The following SNX9 variants were observed in gnomAD, a reference collection of about 807,000 sequenced individuals.
The protein encoded by SNX9 is sorting nexin 9.
Under a neutral mutation model 89.4 loss-of-function variants are expected in SNX9, and 44 were observed. That is an observed-to-expected ratio of 0.49 (90% CI 0.39 to 0.63). The LOEUF (loss-of-function observed/expected upper bound fraction) is 0.63. Ranked by LOEUF, SNX9 falls within the 30% of genes least tolerant of loss-of-function variation. The pLI, the probability that SNX9 is intolerant of heterozygous loss-of-function variation, is 0.00. For synonymous variants in SNX9, 236 were observed against 247.8 expected (o/e 0.95, Z 0.45); for missense variants, 578 against 736.1 (o/e 0.79, Z 2.49).
chr6:157,875,133 G>A lies in SNX9; in HGVS notation c.257G>A (p.Ser86Asn). Residue 86 changes from serine (S) to asparagine (N), a missense_variant, in exon 4 of 18, where the codon AGC (serine) becomes AAC (asparagine). By Grantham distance (46) the Ser-to-Asn change is conservative (BLOSUM62 1). Transcript: ENST00000392185. ...DQAFLDSLSA[S>N]TAQASSSAAS... ...GCCTTCCTTGATTCTCTCTCAGCCA[G>A]CACAGCTCAGGCCAGTTCGTCGGCT... 1 of 1,613,998 alleles carries A rather than the reference G, an allele frequency of 6.2e-7. No individual in the cohort carries two copies. The highest frequency in any genetic ancestry group is 8.5e-7 in the Non-Finnish European group (1 of 1,179,928).
In SNX9 at chr6:157,892,530, T is replaced by C. The variant is rs545884835; in HGVS notation, c.301-4297T>C. On this transcript the variant is annotated intron_variant, in intron 4 of 17. Transcript: ENST00000392185. ...AACAAACATAACCACAAAGATTTCA[T>C]AACTTAGGTGGAGAGCTAAGATCAC... Among the ~76,000 whole-genome samples, 39 of 151,688 alleles carry C rather than the reference T, an allele frequency of 2.6e-4. 1 individual carries two copies. The South Asian group carries it at 6.7e-3, about 26-fold the overall frequency.
At chr6:157,918,950 T>C (rs1783528089) in intron 9 of SNX9, among the ~76,000 whole-genome samples, 1 of 152,128 alleles carries the variant, frequency 6.6e-6, no homozygotes, top group African/African-American at 2.4e-5. Flanking sequence ...TTGTGGTAAT[T>C]ACTGCTTTCT....
At chr6:157,853,727 T>C (rs533128424) in intron 1 of SNX9, among the ~76,000 whole-genome samples, 6 of 151,980 alleles carry the variant, frequency 3.9e-5, no homozygotes, top group Non-Finnish European at 8.8e-5. Context: ...GAACCTTTGG[T>C]GGACTGGAAA....
intron 7 of SNX9, among the ~76,000 whole-genome samples, chr6:157,906,913 A>G (rs979362876): frequency 6.6e-6 from 1 of 152,186 alleles, no homozygotes; most frequent in Non-Finnish European, 1.5e-5. Flanking sequence ...GGGAACCTGA[A>G]GCCTTGAGTG....
chr6:157,897,095 C>A, intron 5 of SNX9, 97 bp downstream of exon 5: 2 of 1,199,834 alleles, frequency 1.7e-6, no homozygotes, highest in Non-Finnish European at 2.3e-6. Flanking sequence ...ACACTCAGCA[C>A]AACACAGAAC....
intron 3 of SNX9, among the ~76,000 whole-genome samples, chr6:157,873,604 A>T (rs919508439): frequency 1.4e-5 from 2 of 147,820 alleles, no homozygotes; most frequent in African/African-American, 4.9e-5. Context: ...TAAATTTTAT[A>T]AAATGTATTA....
rs1484701858 is a variant in SNX9 at position 157,932,151 on chromosome 6, AG to A, written c.1289-43del. 2.6e-6 allele frequency: 4 copies of A among 1,546,646 alleles called. No individual in the cohort carries two copies. The African/African-American group carries it at 5.4e-5, about 21-fold the overall frequency. On this transcript the variant is annotated intron_variant, in intron 12 of 17. Coordinates refer to ENST00000392185, the MANE Select transcript of SNX9 (RefSeq NM_016224.5). ...TTAGGAAATAGTTTAATCCCATTTC[AG>A]TTTGCTCAGAAGACTAATCGTTTAT...
At chr6:157,829,289 T>A (rs929851364) in intron 1 of SNX9, 1 of 152,196 alleles carries the variant, frequency 6.6e-6, no homozygotes, top group Non-Finnish European at 1.5e-5. Context: ...GAATTGTCTT[T>A]AATTTCCAAA....
chr6:157,886,252 C>G, intron 4 of SNX9, among the ~76,000 whole-genome samples: 1 of 151,962 alleles, frequency 6.6e-6, no homozygotes, highest in East Asian at 1.9e-4. Context: ...TCTTACTGGT[C>G]CCAGTTCCCC....
chr6:157,887,408 G>C (rs1782756902), intron 4 of SNX9, among the ~76,000 whole-genome samples: 1 of 152,142 alleles, frequency 6.6e-6, no homozygotes, highest in Admixed American at 6.5e-5. Flanking sequence ...CTCACGTGAT[G>C]GGCTGATCAG....
intron 11 of SNX9, among the ~76,000 whole-genome samples, chr6:157,928,153 C>T (rs1783734780): frequency 2.0e-5 from 3 of 152,158 alleles, no homozygotes; most frequent in Admixed American, 2.0e-4. Flanking sequence ...ACACTTTTGA[C>T]ATCCTTAGAA....
chr6:157,833,835 A>G (rs1781520161), intron 1 of SNX9, among the ~76,000 whole-genome samples: 3 of 152,218 alleles, frequency 2.0e-5, no homozygotes, highest in Admixed American at 2.0e-4. Flanking sequence ...TCCCGTGACT[A>G]TCTACCAGTA....
At chr6:157,925,306 A>G (rs935827351) in intron 10 of SNX9, among the ~76,000 whole-genome samples, 1 of 152,210 alleles carries the variant, frequency 6.6e-6, no homozygotes, top group South Asian at 2.1e-4. Flanking sequence ...ATAAGATGCC[A>G]CTACACACGT....
chr6:157,834,156 T>G (rs1238136297), intron 1 of SNX9, among the ~76,000 whole-genome samples: 12 of 71,962 alleles, frequency 1.7e-4, no homozygotes, highest in East Asian at 6.5e-4. Context: ...TGTGGTTTTT[T>G]TTTTTTTTTT....
At chr6:157,854,454 G>A (rs945421435) in intron 1 of SNX9, among the ~76,000 whole-genome samples, 1 of 152,182 alleles carries the variant, frequency 6.6e-6, no homozygotes, top group Non-Finnish European at 1.5e-5. Flanking sequence ...ATGTAGAAGA[G>A]CACATAAGAA....
At chr6:157,902,848 AGTAGAGACG>A (rs1783135201) in intron 6 of SNX9, among the ~76,000 whole-genome samples, 1 of 151,852 alleles carries the variant, frequency 6.6e-6, no homozygotes, top group Non-Finnish European at 1.5e-5. Flanking sequence ...TTGTATTTTT[AGTAGAGACG>A]AGGTTTTACC....
rs767437605 is a variant in SNX9 at position 157,944,563 on chromosome 6, G to T, written c.*1725G>T. The T allele has an allele frequency of 2.6e-5, 4 of 152,352 alleles. No homozygotes were observed. The highest frequency in any genetic ancestry group is 5.9e-5 in the Non-Finnish European group (4 of 68,012). 9.4% of individuals were successfully genotyped at this position (152,352 alleles called of 1,614,324 possible). A position where few individuals can be genotyped will look rare whatever the true frequency, so the allele number is the denominator to read the frequency against. On this transcript the variant is annotated 3_prime_UTR_variant, in exon 18 of 18. Transcript: ENST00000392185. ...TTTTTGGACTTTGTGTGTGATTTTT[G>T]TTGTTGTTGTTAAGTACTTTTTATT...
rs528298406 is a variant in SNX9 at position 157,944,548 on chromosome 6, TTG to T, written c.*1717_*1718del. ...ACTTTTTCAAAACACTTTTTGGACT[TTG>T]TGTGTGATTTTTGTTGTTGTTGTTA... is the stretch of plus-strand genomic sequence containing the variant. On this transcript the variant is annotated 3_prime_UTR_variant, in exon 18 of 18. Coordinates refer to ENST00000392185, the MANE Select transcript of SNX9 (RefSeq NM_016224.5). 18 of 152,650 alleles carry T rather than the reference TTG, an allele frequency of 1.2e-4. 1 individual carries two copies. The highest frequency in any genetic ancestry group is 4.1e-4 in the African/African-American group (17 of 41,568). The allele number at this position is 152,650 out of a possible 1,614,324, so 9.5% of individuals were successfully genotyped here.
intron 1 of SNX9, among the ~76,000 whole-genome samples, chr6:157,838,104 C>G (rs926219095): frequency 2.0e-5 from 3 of 152,092 alleles, no homozygotes; most frequent in African/African-American, 7.2e-5. Flanking sequence ...CCCCAATTTC[C>G]CGGGCTCGAA....
Sources: allele counts gnomAD v4.1 joint callset (sites outside exome capture counted in the v4.1 genomes callset), GRCh38; gene constraint gnomAD v4.1.1; transcripts MANE v1.5; gene names NCBI Gene and HGNC (gene_info 2026-07-23, HGNC 2026-07-21).